BAZ1A: variants seen among roughly 807,000 people sequenced by gnomAD.
BAZ1A encodes the protein bromodomain adjacent to zinc finger domain protein 1A.
Under a neutral mutation model 185.2 loss-of-function variants are expected in BAZ1A, and 50 were observed. The observed-to-expected ratio is 0.27, with a 90% confidence interval of 0.22 to 0.34. BAZ1A has a LOEUF of 0.34. BAZ1A is among the 10% of genes least tolerant of loss of function. BAZ1A has a pLI of 1.00. For synonymous variants in BAZ1A, 571 were observed against 615.6 expected (o/e 0.93, Z 1.07); for missense variants, 1,356 against 1,839.9 (o/e 0.74, Z 4.81).
chr14:34,759,749 A>C (rs1293666954), intron 24 of BAZ1A, among the ~76,000 whole-genome samples: 3 of 152,060 alleles, frequency 2.0e-5, no homozygotes, highest in Admixed American at 1.3e-4. Flanking sequence ...ATCTTGGCTC[A>C]CTGCAACTTC....
chr14:34,860,518 TA>T (rs397852116), intron 3 of BAZ1A, among the ~76,000 whole-genome samples: 227 of 70,606 alleles, frequency 3.2e-3, no homozygotes, highest in East Asian at 0.02. Context: ...TACCAAAAGT[TA>T]AAAAAAAAAA....
At chr14:34,813,391 A>G (rs542734043) in intron 4 of BAZ1A, among the ~76,000 whole-genome samples, 4 of 152,184 alleles carry the variant, frequency 2.6e-5, no homozygotes, top group African/African-American at 9.6e-5. Flanking sequence ...CCTGTCTCAA[A>G]AAACAAACAG....
chr14:34,809,742 T>C (rs1207386381), intron 5 of BAZ1A, among the ~76,000 whole-genome samples: 1 of 151,954 alleles, frequency 6.6e-6, no homozygotes, highest in African/African-American at 2.4e-5. Flanking sequence ...ATTTAAAGTA[T>C]AAGTCAAAAA....
chr14:34,777,059 T>C (rs1226596108), intron 17 of BAZ1A, among the ~76,000 whole-genome samples: 1 of 152,212 alleles, frequency 6.6e-6, no homozygotes, highest in Non-Finnish European at 1.5e-5. Flanking sequence ...TGGAGAGTGC[T>C]AGTAGAGTAT....
At chr14:34,840,777 A>T (rs2042401301) in intron 3 of BAZ1A, among the ~76,000 whole-genome samples, 1 of 110,130 alleles carries the variant, frequency 9.1e-6, no homozygotes, top group African/African-American at 3.2e-5. Flanking sequence ...ACAAACAAAC[A>T]AACAAACAAA....
At position 34,874,530 on chromosome 14, in the gene BAZ1A, G is replaced by C; in HGVS notation, c.75C>G (p.Phe25Leu). Residue 25 changes from phenylalanine to leucine, a missense_variant, in exon 2 of 27, where the codon TTC (phenylalanine) becomes TTG (leucine). Phe to Leu is a conservative substitution (Grantham distance 22, BLOSUM62 0). Transcript: ENST00000360310. The surrounding 1 kb of genome is among the most constrained non-coding windows in gnomAD (Gnocchi z 4.7). ...AGATCTCGTTGGTGACTTTACAGTA[G>C]AAAACTTCCTCGTCGGGCCGCAGGT... The part of the protein sequence containing the change: ...PADLRPDEEV[F>L]YCKVTNEIFR... 1 of 1,612,082 alleles carries C rather than the reference G, an allele frequency of 6.2e-7. No homozygotes were observed. The highest frequency in any genetic ancestry group is 8.5e-7 in the Non-Finnish European group (1 of 1,179,146).
intron 3 of BAZ1A, among the ~76,000 whole-genome samples, chr14:34,854,990 T>C (rs2042653346): frequency 6.6e-6 from 1 of 151,978 alleles, no homozygotes; most frequent in African/African-American, 2.4e-5. Flanking sequence ...GGGGCACAAG[T>C]ATCGCTCGAA....
At chr14:34,784,091 A>G (rs1448398349) in intron 14 of BAZ1A, among the ~76,000 whole-genome samples, 164 bp from the exon 15 acceptor site, 1 of 151,930 alleles carries the variant, frequency 6.6e-6, no homozygotes, top group Non-Finnish European at 1.5e-5. Flanking sequence ...ATTATGGGCC[A>G]GGCGCAGTGG....
At chr14:34,864,396 G>A (rs535758932) in intron 2 of BAZ1A, among the ~76,000 whole-genome samples, 1 of 152,174 alleles carries the variant, frequency 6.6e-6, no homozygotes, top group African/African-American at 2.4e-5. Flanking sequence ...CACCACCTCA[G>A]CCTCCCATAG....
chr14:34,839,617 G>A (rs1471677199), intron 3 of BAZ1A, among the ~76,000 whole-genome samples: 1 of 151,254 alleles, frequency 6.6e-6, no homozygotes, highest in Non-Finnish European at 1.5e-5. Flanking sequence ...GCCAAGGTGG[G>A]CGGATTATGA....
chr14:34,775,042 C>T (rs1449915442), intron 18 of BAZ1A, among the ~76,000 whole-genome samples: 1 of 152,016 alleles, frequency 6.6e-6, no homozygotes, highest in Non-Finnish European at 1.5e-5. Flanking sequence ...TGGTGAAACC[C>T]TATCTCTACT....
At chr14:34,775,199 C>T (rs558005142) in intron 18 of BAZ1A, among the ~76,000 whole-genome samples, 4 of 150,836 alleles carry the variant, frequency 2.7e-5, no homozygotes, top group South Asian at 2.1e-4. Flanking sequence ...AATTCTGTCT[C>T]AAACAAAAAA....
At chr14:34,840,635 T>C (rs2042398365) in intron 3 of BAZ1A, among the ~76,000 whole-genome samples, 1 of 151,998 alleles carries the variant, frequency 6.6e-6, no homozygotes, top group Non-Finnish European at 1.5e-5. Context: ...GGTGGGCCCC[T>C]GTAATCCCAG....
At chr14:34,823,845 A>G (rs1205283091) in intron 4 of BAZ1A, among the ~76,000 whole-genome samples, 3 of 152,150 alleles carry the variant, frequency 2.0e-5, no homozygotes, top group Non-Finnish European at 2.9e-5. Flanking sequence ...TTATTAATGA[A>G]TAATTGCATG....
chr14:34,871,383 C>T (rs1284460528), intron 2 of BAZ1A, among the ~76,000 whole-genome samples: 3 of 152,204 alleles, frequency 2.0e-5, no homozygotes, highest in African/African-American at 7.2e-5. Flanking sequence ...TAAGAGACTA[C>T]ATTATGCACC....
intron 3 of BAZ1A, among the ~76,000 whole-genome samples, chr14:34,829,836 T>C (rs1243902798): frequency 6.6e-6 from 1 of 152,186 alleles, no homozygotes; most frequent in African/African-American, 2.4e-5. Context: ...TGCTTCTTGA[T>C]CTCCTCATAC....
In BAZ1A at chr14:34,874,526, A is replaced by G; in HGVS notation, c.79T>C (p.Cys27Arg). The G allele has an allele frequency of 6.2e-7, 1 of 1,611,942 alleles. No homozygotes were observed. Among genetic ancestry groups the G allele is most frequent in the Non-Finnish European group, 8.5e-7 (1 of 1,179,060 alleles). The change falls in exon 2 of 27, where the codon TGT (cysteine) becomes CGT (arginine). Residue 27 changes from cysteine to arginine, a missense_variant. By Grantham distance (180) the Cys-to-Arg change is radical (BLOSUM62 -3). Around this residue, in one of 7 missense-constraint regions of BAZ1A, gnomAD observed 332 missense variants for 395.3 expected, o/e 0.84. Coordinates refer to ENST00000360310, the MANE Select transcript of BAZ1A (RefSeq NM_013448.3). This position sits in a 1 kb window ranked among gnomAD's most constrained non-coding sequence, Gnocchi z 4.7. ...CGGAAGATCTCGTTGGTGACTTTAC[A>G]GTAGAAAACTTCCTCGTCGGGCCGC... ...DLRPDEEVFYCKVTNEIFRHY... is the reference protein window; with the variant it reads ...DLRPDEEVFYRKVTNEIFRHY...
intron 24 of BAZ1A, among the ~76,000 whole-genome samples, 194 bp downstream of exon 24, chr14:34,761,563 A>G (rs1010152865): frequency 2.0e-5 from 3 of 152,232 alleles, no homozygotes; most frequent in African/African-American, 7.2e-5. Flanking sequence ...TCACTAGTAG[A>G]AATATTAGTA....
chr14:34,820,959 T>G (rs942901009), intron 4 of BAZ1A, among the ~76,000 whole-genome samples: 1 of 143,714 alleles, frequency 7.0e-6, no homozygotes. Flanking sequence ...TATGGATTAG[T>G]GTAGTTTCAG....
Sources: allele counts gnomAD v4.1 joint callset (sites outside exome capture counted in the v4.1 genomes callset), GRCh38; gene constraint gnomAD v4.1.1; regional missense constraint gnomAD v4.1.1; non-coding constraint Gnocchi (gnomAD v3.1); transcripts MANE v1.5; gene names NCBI Gene and HGNC (gene_info 2026-07-23, HGNC 2026-07-21).